The following PTPRS variants were observed in gnomAD, a reference collection of about 807,000 sequenced individuals.
PTPRS encodes the protein receptor-type tyrosine-protein phosphatase S.
Under a neutral mutation model 215.3 loss-of-function variants are expected in PTPRS, and 63 were observed. The ratio of observed to expected loss-of-function variants is 0.29; its 90% CI spans 0.24 to 0.36. The LOEUF is 0.36. PTPRS is among the 10% of genes least tolerant of loss of function. PTPRS has a pLI of 1.00. For synonymous variants in PTPRS, 1,404 were observed against 1,191.4 expected, an observed-to-expected ratio of 1.18 and a Z score of -3.68; for missense variants, 2,258 against 2,825.8, an observed-to-expected ratio of 0.80 and a Z score of 4.56.
At chr19:5,208,473 C>A in intron 35 of PTPRS, 82 bp from the exon 36 acceptor site, 1 of 1,308,490 alleles carries the variant, frequency 7.6e-7, no homozygotes, top group South Asian at 1.8e-5. Context: ...TCTTCACCCC[C>A]ATTTTTTGTT....
chr19:5,336,538 T>C (rs2050507920), intron 1 of PTPRS, among the ~76,000 whole-genome samples: 1 of 152,106 alleles, frequency 6.6e-6, no homozygotes, highest in East Asian at 1.9e-4. Flanking sequence ...AGCCACAAGC[T>C]GGCAGCTTTC....
At chr19:5,214,245 C>CA in intron 30 of PTPRS, 116 bp downstream of exon 30, 1 of 1,425,012 alleles carries the variant, frequency 7.0e-7, no homozygotes, top group Non-Finnish European at 9.6e-7. Context: ...CCTGGGTAGA[C>CA]ACGCTCCGCT....
intron 13 of PTPRS, among the ~76,000 whole-genome samples, chr19:5,233,049 G>T (rs1050717681): frequency 1.3e-5 from 2 of 151,356 alleles, no homozygotes; most frequent in African/African-American, 4.9e-5. Flanking sequence ...AGCAACAAAA[G>T]CTCCAATTAT....
intron 25 of PTPRS, 150 bp from the exon 26 acceptor site, chr19:5,216,917 C>A: frequency 1.6e-6 from 1 of 629,434 alleles, no homozygotes; most frequent in Non-Finnish European, 2.9e-6. Flanking sequence ...GGGCCCCCAC[C>A]TGAGGACTCA....
At position 5,211,999 on chromosome 19, in the gene PTPRS, C is replaced by T. The variant is rs1418979460; in HGVS notation, c.5021G>A (p.Gly1674Asp). 8 of 1,612,216 alleles carry T rather than the reference C, an allele frequency of 5.0e-6. No homozygotes were observed. Among genetic ancestry groups the T allele is most frequent in the Middle Eastern group, 1.7e-4 (1 of 5,962 alleles). ...GAGTTCCATGCCAGTGACGTGTTCG[C>T]CAGGCTCCACCTGGGCCAGCTTCTG... The part of the protein sequence containing the change: ...YIQKLAQVEP[G>D]EHVTGMELEF... The change falls in exon 32 of 38, where the codon GGC (glycine) becomes GAC (aspartate). Residue 1674 changes from glycine (G) to aspartate (D), a missense_variant. Physicochemically the swap from Gly to Asp is moderately conservative, Grantham distance 94. Coordinates refer to ENST00000262963, the MANE Select transcript of PTPRS (RefSeq NM_002850.4).
intron 29 of PTPRS, 25 bp downstream of exon 29, chr19:5,214,536 G>C (rs2145135571): frequency 6.2e-7 from 1 of 1,612,246 alleles, no homozygotes; most frequent in Non-Finnish European, 8.5e-7. Flanking sequence ...GCAGGGGCTT[G>C]AGGGCCGTGG....
At position 5,307,895 on chromosome 19, in the gene PTPRS, C is replaced by T. The variant is rs559677121; in HGVS notation, c.-94-21661G>A. Among the ~76,000 whole-genome samples the T allele has an allele frequency of 4.6e-5, 7 of 152,288 alleles. No homozygotes were observed. In the South Asian group the frequency reaches 1.2e-3, roughly 27 times the overall value. ...GCACATAGCCACGCCCACCAGTTTA[C>T]GTGTTTGTCTATGGCTGCTTTCACG... On this transcript the variant is annotated intron_variant, in intron 1 of 37. Coordinates refer to ENST00000262963, the MANE Select transcript of PTPRS (RefSeq NM_002850.4).
intron 2 of PTPRS, among the ~76,000 whole-genome samples, chr19:5,279,679 C>CTATTTT (rs915521093): frequency 2.0e-5 from 3 of 151,212 alleles, no homozygotes; most frequent in Non-Finnish European, 4.4e-5. Flanking sequence ...CTGAAGTTAT[C>CTATTTT]TATTTTTATT....
rs554276035 is a variant in PTPRS, at chr19:5,287,691, G to A, written c.-94-1457C>T. Among the ~76,000 whole-genome samples the A allele has an allele frequency of 6.6e-6, 1 of 152,288 alleles. No individual in the cohort carries two copies. Among genetic ancestry groups the A allele is most frequent in the South Asian group, 2.1e-4 (1 of 4,820 alleles). ...TGCGGTCACCTCGCCCAGCCCTGGG[G>A]CGGTCCCAGGGGAAGGATGGGCGGG... On this transcript the variant is annotated intron_variant, in intron 1 of 37. Transcript: ENST00000262963. The surrounding 1 kb of genome is among the most constrained non-coding windows in gnomAD (Gnocchi z 4.8).
intron 9 of PTPRS, 127 bp downstream of exon 9, chr19:5,255,981 A>ATTT: frequency 1.6e-6 from 1 of 620,394 alleles, no homozygotes; most frequent in Non-Finnish European, 2.6e-6. Flanking sequence ...TCATTTTTCT[A>ATTT]TTTTTTTTCC....
In PTPRS at chr19:5,206,648, G is replaced by A. The variant is rs1270991225; in HGVS notation, c.*126C>T. The A allele has an allele frequency of 1.2e-6, 1 of 815,960 alleles. No homozygotes were observed. Among genetic ancestry groups the A allele is most frequent in the Non-Finnish European group, 2.0e-6 (1 of 499,526 alleles). 50.5% of individuals were successfully genotyped at this position (815,960 alleles called of 1,614,324 possible). The stretch of plus-strand genomic sequence containing the variant: ...CTGCGTCGTCCTCGGAAATGGTGCA[G>A]AAACACAGCTGCTGCCGCTGCCACC... On this transcript the variant is annotated 3_prime_UTR_variant, in exon 38 of 38. Transcript: ENST00000262963.
chr19:5,260,965 C>T (rs890329314), intron 6 of PTPRS, 143 bp from the exon 7 acceptor site: 25 of 970,444 alleles, frequency 2.6e-5, no homozygotes, highest in East Asian at 7.9e-5. Context: ...CCTGGGCATA[C>T]GGACCCTGCG....
chr19:5,217,434 T>G (rs2041581113), intron 25 of PTPRS, among the ~76,000 whole-genome samples: 1 of 152,118 alleles, frequency 6.6e-6, no homozygotes, highest in South Asian at 2.1e-4. Flanking sequence ...GGGTGATACA[T>G]GAGGCCCTGC....
chr19:5,280,978 GA>G (rs1215949105), intron 2 of PTPRS, among the ~76,000 whole-genome samples: 1 of 151,694 alleles, frequency 6.6e-6, no homozygotes, highest in African/African-American at 2.4e-5. Context: ...TTTTAGTAGA[GA>G]GGGGGTTTCA....
intron 2 of PTPRS, among the ~76,000 whole-genome samples, chr19:5,283,875 C>T (rs1001352757): frequency 2.0e-5 from 3 of 151,430 alleles, no homozygotes; most frequent in African/African-American, 7.3e-5. Flanking sequence ...GAGTTTGAGA[C>T]CAGCCTGGGC....
chr19:5,248,391 A>G (rs868199794), intron 9 of PTPRS, among the ~76,000 whole-genome samples: 30 of 151,720 alleles, frequency 2.0e-4, no homozygotes, highest in South Asian at 6.2e-4. Flanking sequence ...GCAAGAAGAA[A>G]AAAAAAAAAA....
chr19:5,333,503 T>TCACACACACACACA (rs35443727), intron 1 of PTPRS, among the ~76,000 whole-genome samples: 1 of 147,726 alleles, frequency 6.8e-6, no homozygotes, highest in African/African-American at 2.5e-5. Flanking sequence ...GTGAGTCCTG[T>TCACACACACACACA]CACACACACA....
chr19:5,329,572 T>A (rs1453082101), intron 1 of PTPRS, among the ~76,000 whole-genome samples: 1 of 151,924 alleles, frequency 6.6e-6, no homozygotes, highest in African/African-American at 2.4e-5. Context: ...AAGACCATCC[T>A]GGCTAACACA....
At chr19:5,246,093 G>T in intron 9 of PTPRS, 48 bp from the exon 10 acceptor site, 1 of 1,247,208 alleles carries the variant, frequency 8.0e-7, no homozygotes, top group Non-Finnish European at 1.1e-6. Context: ...CGAGGGGTGA[G>T]GTGGGGTGAG....
Sources: gnomAD v4.1 joint callset for allele counts (sites outside exome capture counted in the v4.1 genomes callset) on GRCh38, gnomAD v4.1.1 for gene constraint, Gnocchi (gnomAD v3.1) non-coding constraint, MANE v1.5 for transcripts, NCBI Gene and HGNC (gene_info 2026-07-23, HGNC 2026-07-21) for gene names.